ALKBH5: variants seen among roughly 807,000 people sequenced by gnomAD.
The protein encoded by ALKBH5 is RNA demethylase ALKBH5.
ALKBH5 carries 2 observed loss-of-function variants against 32.1 expected under a neutral mutation model. That is an observed-to-expected ratio of 0.06 (90% CI 0.03 to 0.20). The LOEUF is 0.20. ALKBH5 is among the 10% of genes least tolerant of loss of function. The pLI is 1.00. For missense variants in ALKBH5, 352 were observed against 559.5 expected (o/e 0.63, Z 3.74); for synonymous variants, 300 against 231.7 (o/e 1.29, Z -2.68).
chr17:18,202,814 G>A (rs1439205120), intron 2 of ALKBH5, among the ~76,000 whole-genome samples: 2 of 151,728 alleles, frequency 1.3e-5, no homozygotes, highest in Non-Finnish European at 2.9e-5. Context: ...GATGGCTCAC[G>A]CCTGTAATTC....
chr17:18,208,152 T>C, intron 3 of ALKBH5, 67 bp from the exon 4 acceptor site: 1 of 1,515,702 alleles, frequency 6.6e-7, no homozygotes, highest in Non-Finnish European at 8.9e-7. Context: ...TGAGACGAGG[T>C]ACAGCGGTAA....
chr17:18,201,835 A>AGATAGATAGATG (rs1555551039), intron 2 of ALKBH5, among the ~76,000 whole-genome samples: 4 of 98,356 alleles, frequency 4.1e-5, no homozygotes, highest in Non-Finnish European at 6.9e-5. Flanking sequence ...ATAGATAGAT[A>AGATAGATAGATG]GATGATAGAT....
At chr17:18,201,779 A>ATAGGTAGG in intron 2 of ALKBH5, among the ~76,000 whole-genome samples, 1 of 110,728 alleles carries the variant, frequency 9.0e-6, no homozygotes, top group East Asian at 2.5e-4. Context: ...AGATAGATAG[A>ATAGGTAGG]TAGATAGGAT....
intron 2 of ALKBH5, among the ~76,000 whole-genome samples, chr17:18,203,804 A>C (rs540298704): frequency 6.6e-6 from 1 of 152,114 alleles, no homozygotes; most frequent in Non-Finnish European, 1.5e-5. Flanking sequence ...TAGGGAGGGC[A>C]GGAGCTTCTC....
chr17:18,198,517 T>G (rs1224935237), intron 2 of ALKBH5, among the ~76,000 whole-genome samples: 1 of 152,228 alleles, frequency 6.6e-6, no homozygotes, highest in Non-Finnish European at 1.5e-5. Context: ...CCTGGCTGGT[T>G]TGATGTCTTC....
At chr17:18,201,746 G>GATAT (rs1258281353) in intron 2 of ALKBH5, among the ~76,000 whole-genome samples, 2 of 62,172 alleles carry the variant, frequency 3.2e-5, no homozygotes, top group Non-Finnish European at 7.0e-5. Context: ...CTCCATCTTA[G>GATAT]ATAGATAGAT....
At chr17:18,205,160 T>G (rs1182730601) in intron 2 of ALKBH5, among the ~76,000 whole-genome samples, 1 of 152,224 alleles carries the variant, frequency 6.6e-6, no homozygotes, top group Admixed American at 6.5e-5. Context: ...CAACTTGCCT[T>G]CGATTCCTTA....
chr17:18,194,805 T>G, intron 1 of ALKBH5, 150 bp from the exon 2 acceptor site: 1 of 609,714 alleles, frequency 1.6e-6, no homozygotes, highest in Non-Finnish European at 2.8e-6. Context: ...CTTAATATGA[T>G]ATTCCCTTCC....
Position 18,184,387 on chromosome 17 carries a change from C to G in ALKBH5, c.144C>G (p.Ala48=). ...CCGCAGCCGCAGCCGCCGCTGCCGCCGAACCTTACCCTGTGTCCGGGGCCA... is the reference window on the plus strand; with the variant it reads ...CCGCAGCCGCAGCCGCCGCTGCCGCGGAACCTTACCCTGTGTCCGGGGCCA... ...VAAAAAAAAA[A]EPYPVSGAKR... is the part of the protein sequence containing the mutation. The change falls in exon 1 of 4, where the codon GCC becomes GCG. Residue 48 remains alanine, a synonymous_variant. Transcript: ENST00000399138. The G allele has an allele frequency of 6.5e-7, 1 of 1,534,526 alleles. No homozygotes were observed. The highest frequency in any genetic ancestry group is 8.8e-7 in the Non-Finnish European group (1 of 1,142,560).
intron 1 of ALKBH5, among the ~76,000 whole-genome samples, chr17:18,188,883 A>G (rs2047155976): frequency 6.6e-6 from 1 of 152,202 alleles, no homozygotes; most frequent in Admixed American, 6.5e-5. Context: ...CCTGGCCAAC[A>G]TGGTAAAACC....
In ALKBH5 at chr17:18,208,559, G is replaced by A. The variant is rs1388792973; in HGVS notation, c.*163G>A. On this transcript the variant is annotated 3_prime_UTR_variant, in exon 4 of 4. Transcript: ENST00000399138. ...CTTGGTTTTGTTGCCTGTTAGGGCT[G>A]AAGAATAGAATTGGCCAGGACCTAG... 1.2e-6 allele frequency: 1 copy of A among 827,404 alleles called. No homozygotes were observed. The highest frequency in any genetic ancestry group is 2.0e-6 in the Non-Finnish European group (1 of 507,858). 51.3% of individuals were successfully genotyped at this position (827,404 alleles called of 1,614,324 possible).
chr17:18,190,563 A>AAG (rs1555550426), intron 1 of ALKBH5, among the ~76,000 whole-genome samples: 48 of 150,756 alleles, frequency 3.2e-4, no homozygotes, highest in African/African-American at 1.1e-3. Context: ...AAAAAAAAAA[A>AAG]AAAAAAAAAT....
At chr17:18,188,941 C>T (rs891918553) in intron 1 of ALKBH5, among the ~76,000 whole-genome samples, 5 of 152,096 alleles carry the variant, frequency 3.3e-5, no homozygotes, top group East Asian at 3.9e-4. Flanking sequence ...GTAGTGTGCA[C>T]CTCTAATCCC....
chr17:18,195,123 G>GT, intron 2 of ALKBH5, 88 bp downstream of exon 2: 4 of 1,070,638 alleles, frequency 3.7e-6, no homozygotes, highest in Non-Finnish European at 5.6e-6. Context: ...CAGCTCCTAT[G>GT]TATCAGTGGC....
chr17:18,196,430 A>G (rs1217545078), intron 2 of ALKBH5, among the ~76,000 whole-genome samples: 2 of 152,170 alleles, frequency 1.3e-5, no homozygotes, highest in Non-Finnish European at 2.9e-5. Flanking sequence ...CATGTTGGCC[A>G]AGCTGGTCTC....
At chr17:18,201,759 A>AT (rs2047237308) in intron 2 of ALKBH5, among the ~76,000 whole-genome samples, 1 of 132,634 alleles carries the variant, frequency 7.5e-6, no homozygotes, top group Non-Finnish European at 1.6e-5. Context: ...AGATAGATAG[A>AT]TAGATAGATA....
chr17:18,184,309 C>T lies in ALKBH5; in HGVS notation c.66C>T (p.Asn22=). 2 of 1,521,906 alleles carry T rather than the reference C, an allele frequency of 1.3e-6. No homozygotes were observed. Among genetic ancestry groups the T allele is most frequent in the Non-Finnish European group, 1.8e-6 (2 of 1,137,952 alleles). 94.3% of individuals were successfully genotyped at this position (1,521,906 alleles called of 1,614,324 possible). The change falls in exon 1 of 4, where the codon AAC becomes AAT. Residue 22 remains asparagine (N), a synonymous_variant. Transcript: ENST00000399138. Reference sequence around the variant, plus strand: ...TCAAGTCCATGACGTCCCGGGACAACTATAAGGCGGGCAGCCGGGAGGCCG... The same window carrying T: ...TCAAGTCCATGACGTCCCGGGACAATTATAAGGCGGGCAGCCGGGAGGCCG... ...EKLKSMTSRD[N]YKAGSREAAA...
intron 1 of ALKBH5, among the ~76,000 whole-genome samples, chr17:18,187,549 C>T (rs2047146735): frequency 6.6e-6 from 1 of 152,192 alleles, no homozygotes; most frequent in East Asian, 1.9e-4. Flanking sequence ...AGTGTCCAGA[C>T]ACTGCCAAAT....
intron 1 of ALKBH5, among the ~76,000 whole-genome samples, chr17:18,188,025 C>T (rs1191931765): frequency 6.6e-6 from 1 of 152,192 alleles, no homozygotes; most frequent in African/African-American, 2.4e-5. Context: ...AGAACAAGGC[C>T]TCACAGAATC....
Sources: allele counts gnomAD v4.1 joint callset (sites outside exome capture counted in the v4.1 genomes callset), GRCh38; gene constraint gnomAD v4.1.1; transcripts MANE v1.5; gene names NCBI Gene and HGNC (gene_info 2026-07-23, HGNC 2026-07-21).